NLN: variants seen among roughly 807,000 people sequenced by gnomAD.
The protein encoded by NLN is neurolysin.
Under a neutral mutation model 79.9 loss-of-function variants are expected in NLN, and 64 were observed. That is an observed-to-expected ratio of 0.80 (90% CI 0.65 to 0.99). NLN has a LOEUF of 0.99. Among genes scored for constraint, NLN ranks in the 50% least tolerant of loss-of-function variants. NLN has a pLI of 0.00. For synonymous variants in NLN, 267 were observed against 296.6 expected, an observed-to-expected ratio of 0.90 and a Z score of 1.02; for missense variants, 835 against 858.7, an observed-to-expected ratio of 0.97 and a Z score of 0.34.
intron 3 of NLN, among the ~76,000 whole-genome samples, chr5:65,767,927 C>A (rs1181712490): frequency 2.0e-5 from 3 of 152,172 alleles, no homozygotes; most frequent in African/African-American, 7.2e-5. Context: ...GCATGGGTGA[C>A]CTTTACTCCA....
rs1760502043 is a variant in NLN at position 65,809,702 on chromosome 5, G to A, written c.1714+1G>A. ...GTTGCTTCTAGGCTGGTCAACACAG[G>A]TATGACTTCTAATTTTAAAAAGGAA... On this transcript the variant is annotated splice_donor_variant, in intron 10 of 12. Transcript: ENST00000380985. LOFTEE classifies it high-confidence loss of function. 1 of 1,565,398 alleles carries A rather than the reference G, an allele frequency of 6.4e-7. No homozygotes were observed. Among genetic ancestry groups the A allele is most frequent in the Non-Finnish European group, 8.6e-7 (1 of 1,159,512 alleles).
intron 1 of NLN, among the ~76,000 whole-genome samples, chr5:65,750,987 G>T (rs1759089950): frequency 6.6e-6 from 1 of 152,192 alleles, no homozygotes; most frequent in African/African-American, 2.4e-5. Context: ...TTTGTAAATG[G>T]TAGAAATCAG....
intron 2 of NLN, among the ~76,000 whole-genome samples, chr5:65,761,164 C>T (rs1424218896): frequency 6.6e-6 from 1 of 152,124 alleles, no homozygotes; most frequent in Non-Finnish European, 1.5e-5. Context: ...AAATGGCTTT[C>T]AGCACCTTTG....
Position 65,809,600 on chromosome 5 carries a change from A to G in NLN, c.1613A>G (p.Asp538Gly), listed in dbSNP as rs759458164. 2 of 1,613,952 alleles carry G rather than the reference A, an allele frequency of 1.2e-6. No individual in the cohort carries two copies. The highest frequency in any genetic ancestry group is 3.3e-5 in the Admixed American group (2 of 59,950). ...PSQMLENWVWDVDSLRRLSKH... is the reference protein window; with the variant it reads ...PSQMLENWVWGVDSLRRLSKH... ...CAAATGCTTGAAAATTGGGTGTGGG[A>G]CGTCGATTCCCTCCGAAGATTGTCA... Residue 538 changes from aspartate (D) to glycine (G), a missense_variant, in exon 10 of 13, where the codon GAC (aspartate) becomes GGC (glycine). Coordinates refer to ENST00000380985, the MANE Select transcript of NLN (RefSeq NM_020726.5).
chr5:65,749,611 G>A (rs1481866454), intron 1 of NLN, among the ~76,000 whole-genome samples: 1 of 152,172 alleles, frequency 6.6e-6, no homozygotes, highest in Non-Finnish European at 1.5e-5. Flanking sequence ...TGAACTTTTG[G>A]AACAGTGGCA....
chr5:65,763,196 T>C, intron 3 of NLN, 88 bp downstream of exon 3: 3 of 1,102,812 alleles, frequency 2.7e-6, no homozygotes, highest in Non-Finnish European at 4.0e-6. Flanking sequence ...ACTGACTGGA[T>C]TTTCTTAGCT....
At chr5:65,767,100 G>T (rs1173433503) in intron 3 of NLN, among the ~76,000 whole-genome samples, 1 of 152,194 alleles carries the variant, frequency 6.6e-6, no homozygotes, top group Non-Finnish European at 1.5e-5. Context: ...AGTCTGGAGG[G>T]CAGTAGCCCC....
chr5:65,785,979 C>T lies in NLN; in HGVS notation c.958+69C>T, dbSNP rs1759912944. On this transcript the variant is annotated intron_variant, in intron 7 of 12. Coordinates refer to ENST00000380985, the MANE Select transcript of NLN (RefSeq NM_020726.5). ...GTCAACCAGACAGAAGGCCTCAGAA[C>T]ATAATATGCCTTTGAGGACATCCTA... The T allele has an allele frequency of 2.9e-6, 4 of 1,378,356 alleles. No individual in the cohort carries two copies. The South Asian group carries it at 4.9e-5, about 17-fold the overall frequency. The allele number at this position is 1,378,356 out of a possible 1,614,324, so 85.4% of individuals were successfully genotyped here.
At chr5:65,796,936 C>T (rs1760184893) in intron 9 of NLN, among the ~76,000 whole-genome samples, 1 of 152,182 alleles carries the variant, frequency 6.6e-6, no homozygotes, top group Non-Finnish European at 1.5e-5. Context: ...TAGAAGGGCT[C>T]GTTTGAGCTT....
intron 12 of NLN, among the ~76,000 whole-genome samples, chr5:65,820,080 T>C (rs1394840243): frequency 6.6e-6 from 1 of 152,214 alleles, no homozygotes; most frequent in South Asian, 2.1e-4. Flanking sequence ...AGCTGTCTCT[T>C]TATAACACCA....
chr5:65,791,171 C>A (rs1350597630), intron 8 of NLN, among the ~76,000 whole-genome samples: 1 of 152,144 alleles, frequency 6.6e-6, no homozygotes, highest in South Asian at 2.1e-4. Context: ...GCTGTAATCC[C>A]AGCACTTTGG....
At chr5:65,724,369 T>C (rs1034129546) in intron 1 of NLN, among the ~76,000 whole-genome samples, 10 of 152,322 alleles carry the variant, frequency 6.6e-5, no homozygotes, top group Admixed American at 5.9e-4. Context: ...TTGCGTCTGG[T>C]TTATTTAGTA....
intron 1 of NLN, among the ~76,000 whole-genome samples, chr5:65,750,553 TA>T (rs1429089101): frequency 6.6e-6 from 1 of 152,112 alleles, no homozygotes; most frequent in Non-Finnish European, 1.5e-5. Context: ...CCATCTCTAC[TA>T]AAAATTTTTA....
intron 1 of NLN, among the ~76,000 whole-genome samples, chr5:65,752,545 T>C (rs912845424): frequency 6.6e-6 from 1 of 152,186 alleles, no homozygotes; most frequent in Admixed American, 6.5e-5. Context: ...AGAATACAAG[T>C]GCAGCTGCTG....
intron 1 of NLN, among the ~76,000 whole-genome samples, chr5:65,758,151 A>G (rs1759261235): frequency 6.6e-6 from 1 of 152,008 alleles, no homozygotes; most frequent in Non-Finnish European, 1.5e-5. Context: ...TGGGAGAAAC[A>G]CTTGAGTCCA....
Position 65,722,418 on chromosome 5 carries a change from C to T in NLN, c.41+4C>T. The T allele has an allele frequency of 6.3e-7, 1 of 1,587,710 alleles. No individual in the cohort carries two copies. The highest frequency in any genetic ancestry group is 8.6e-7 in the Non-Finnish European group (1 of 1,168,420). On this transcript the variant is annotated splice_donor_region_variant and intron_variant, in intron 1 of 12. Coordinates refer to ENST00000380985, the MANE Select transcript of NLN (RefSeq NM_020726.5). ...TGGCTGTGCGAAGCCTCCGCAGGTA[C>T]CTCCAGCGCGCGGGTTAACCTTGGC...
intron 8 of NLN, among the ~76,000 whole-genome samples, chr5:65,791,707 A>G (rs1406272375): frequency 6.6e-6 from 1 of 151,754 alleles, no homozygotes; most frequent in Non-Finnish European, 1.5e-5. Context: ...TGGATGACAG[A>G]GCAAGACTCT....
intron 12 of NLN, among the ~76,000 whole-genome samples, chr5:65,813,022 T>C (rs1022565538): frequency 1.3e-5 from 2 of 152,228 alleles, no homozygotes; most frequent in Admixed American, 1.3e-4. Context: ...GGCTGATGCA[T>C]TTTCCAATGT....
chr5:65,781,391 G>A lies in NLN; in HGVS notation c.792G>A (p.Met264Ile). 1.2e-6 allele frequency: 2 copies of A among 1,609,266 alleles called. No homozygotes were observed. The highest frequency in any genetic ancestry group is 8.5e-7 in the Non-Finnish European group (1 of 1,175,988). ...GTATCCCTGAAACCAGAAGAAGGAT[G>A]GAAATGGCTTTTAATACAAGGTGCA... ...KCCIPETRRR[M>I]EMAFNTRCKE... Residue 264 changes from methionine (M) to isoleucine (I), a missense_variant, in exon 6 of 13, where the codon ATG becomes ATA. By Grantham distance (10) the Met-to-Ile change is conservative. Coordinates refer to ENST00000380985, the MANE Select transcript of NLN (RefSeq NM_020726.5).
Sources: gnomAD v4.1 joint callset for allele counts (sites outside exome capture counted in the v4.1 genomes callset) on GRCh38, gnomAD v4.1.1 for gene constraint, MANE v1.5 for transcripts, NCBI Gene and HGNC (gene_info 2026-07-23, HGNC 2026-07-21) for gene names.